CRYZL1: variants seen among roughly 807,000 people sequenced by gnomAD.
CRYZL1 encodes ferry endosomal RAB5 effector complex subunit 4.
Under a neutral mutation model 50.6 loss-of-function variants are expected in CRYZL1, and 34 were observed. The observed-to-expected ratio is 0.67, with a 90% CI of 0.51 to 0.89. The LOEUF (loss-of-function observed/expected upper bound fraction) is 0.89, where lower values mean the gene tolerates loss of function less well. CRYZL1 is among the 40% of genes least tolerant of loss of function. The probability of loss-of-function intolerance (pLI) is 0.00; values close to 1 mark genes in which losing one functional copy is unlikely to be tolerated. For synonymous variants in CRYZL1, 125 were observed against 134.3 expected, an observed-to-expected ratio of 0.93 and a Z score of 0.48; for missense variants, 354 against 402.3, an observed-to-expected ratio of 0.88 and a Z score of 1.03.
intron 2 of CRYZL1, among the ~76,000 whole-genome samples, chr21:33,626,147 T>C (rs2087060537): frequency 6.6e-6 from 1 of 151,742 alleles, no homozygotes; most frequent in Admixed American, 6.6e-5. Context: ...TAGTAGAAGA[T>C]GGGGTTTCAC....
chr21:33,637,444 CAAA>C (rs544640250), intron 1 of CRYZL1, among the ~76,000 whole-genome samples: 7 of 76,902 alleles, frequency 9.1e-5, no homozygotes, highest in Admixed American at 1.5e-4. Flanking sequence ...GACTCTGTCT[CAAA>C]AAAAAAAAAA....
At chr21:33,602,155 G>T in intron 8 of CRYZL1, 79 bp downstream of exon 8, 1 of 812,560 alleles carries the variant, frequency 1.2e-6, no homozygotes, top group Non-Finnish European at 2.1e-6. Flanking sequence ...TTTTGTACTT[G>T]GTTTTACAAG....
intron 4 of CRYZL1, among the ~76,000 whole-genome samples, chr21:33,621,131 T>C (rs1356168614): frequency 1.3e-5 from 2 of 149,168 alleles, no homozygotes; most frequent in Non-Finnish European, 3.0e-5. Flanking sequence ...GGTCTCGATC[T>C]CCTGACCTCG....
intron 4 of CRYZL1, among the ~76,000 whole-genome samples, chr21:33,618,015 C>T (rs1013819893): frequency 6.6e-5 from 10 of 152,154 alleles, no homozygotes; most frequent in African/African-American, 9.6e-5. Flanking sequence ...GATGGCCGGG[C>T]GCGGTGGCTC....
chr21:33,609,016 C>T (rs561546201), intron 6 of CRYZL1, among the ~76,000 whole-genome samples: 2 of 152,158 alleles, frequency 1.3e-5, no homozygotes, highest in Non-Finnish European at 2.9e-5. Context: ...CAATACTTAC[C>T]TTTCATCTTT....
chr21:33,634,880 AATATATAT>A (rs10599845), intron 1 of CRYZL1, among the ~76,000 whole-genome samples: 12 of 144,428 alleles, frequency 8.3e-5, no homozygotes, highest in African/African-American at 1.5e-4. Context: ...CAACAACAAC[AATATATAT>A]ATATATATAT....
chr21:33,613,637 G>A (rs552422639), intron 5 of CRYZL1, 31 bp from the exon 6 acceptor site: 7 of 1,507,472 alleles, frequency 4.6e-6, no homozygotes, highest in African/African-American at 4.1e-5. Context: ...TTAAAGGGAT[G>A]TAAGTCAAAA....
At chr21:33,597,542 A>G in intron 9 of CRYZL1, 141 bp from the exon 10 acceptor site, 1 of 643,030 alleles carries the variant, frequency 1.6e-6, no homozygotes, top group Non-Finnish European at 2.6e-6. Flanking sequence ...CCTGGACTCC[A>G]GCAATCCTCC....
At chr21:33,592,096 G>A (rs946092434) in intron 11 of CRYZL1, among the ~76,000 whole-genome samples, 1 of 149,850 alleles carries the variant, frequency 6.7e-6, no homozygotes, top group Admixed American at 6.6e-5. Context: ...TAGTGGTTAT[G>A]CTATTTTTTT....
At chr21:33,628,169 T>C (rs2087091846) in intron 2 of CRYZL1, among the ~76,000 whole-genome samples, 1 of 152,244 alleles carries the variant, frequency 6.6e-6, no homozygotes, top group Non-Finnish European at 1.5e-5. Context: ...TCCTAATACC[T>C]TTTACACTAC....
chr21:33,590,253 G>A (rs1193081389), intron 12 of CRYZL1, among the ~76,000 whole-genome samples: 1 of 152,170 alleles, frequency 6.6e-6, no homozygotes, highest in Admixed American at 6.5e-5. Flanking sequence ...CTAGCCTCAA[G>A]TGATCCACCC....
chr21:33,610,186 GAC>G (rs902556485), intron 6 of CRYZL1, among the ~76,000 whole-genome samples: 7 of 148,598 alleles, frequency 4.7e-5, no homozygotes, highest in Admixed American at 4.0e-4. Flanking sequence ...ATTTTTTTGA[GAC>G]AGAGTCTTGC....
At position 33,589,521 on chromosome 21, in the gene CRYZL1, AAGC is replaced by A. The variant is rs2145911252; in HGVS notation, c.*298_*300del. On this transcript the variant is annotated 3_prime_UTR_variant, in exon 13 of 13. Coordinates refer to ENST00000381554, the MANE Select transcript of CRYZL1 (RefSeq NM_145858.3). Reference sequence around the variant, plus strand: ...TCAAGAGTAGTGTGACTTTTGCTGAAAGCAGCAGTTTTCTTCATGGAAGGAATT... The same window carrying A: ...TCAAGAGTAGTGTGACTTTTGCTGAAAGCAGTTTTCTTCATGGAAGGAATT... The A allele has an allele frequency of 2.1e-6, 1 of 468,584 alleles. No homozygotes were observed. Among genetic ancestry groups the A allele is most frequent in the East Asian group, 3.5e-5 (1 of 28,932 alleles). The allele number at this position is 468,584 out of a possible 1,614,324, so 29.0% of individuals were successfully genotyped here.
At chr21:33,613,643 C>G (rs78700104) in intron 5 of CRYZL1, 37 bp from the exon 6 acceptor site, 7 of 1,440,222 alleles carry the variant, frequency 4.9e-6, no homozygotes, top group Non-Finnish European at 6.8e-6. Flanking sequence ...GGATGTAAGT[C>G]AAAAATTCAT....
rs778931286 is a variant in CRYZL1 at position 33,613,633 on chromosome 21, G to A, written c.263-27C>T. 5 of 1,531,278 alleles carry A rather than the reference G, an allele frequency of 3.3e-6. No homozygotes were observed. The South Asian group carries it at 5.6e-5, about 17-fold the overall frequency. 94.9% of individuals were successfully genotyped at this position (1,531,278 alleles called of 1,614,324 possible). On this transcript the variant is annotated intron_variant, in intron 5 of 12. Transcript: ENST00000381554. ...TAAAAATCAAAACAAGAAATTAAAG[G>A]GATGTAAGTCAAAAATTCATTCCTA...
At chr21:33,638,996 A>G in intron 1 of CRYZL1, among the ~76,000 whole-genome samples, 1 of 152,212 alleles carries the variant, frequency 6.6e-6, no homozygotes. Flanking sequence ...GATTGAATTT[A>G]TACATGTGTG....
chr21:33,618,930 T>A (rs1484005343), intron 4 of CRYZL1, among the ~76,000 whole-genome samples: 2 of 152,160 alleles, frequency 1.3e-5, no homozygotes, highest in African/African-American at 4.8e-5. Context: ...GGAGAACTCA[T>A]CAATTCTATT....
intron 6 of CRYZL1, among the ~76,000 whole-genome samples, chr21:33,609,668 ATTCT>A (rs2086849133): frequency 6.6e-6 from 1 of 150,578 alleles, no homozygotes; most frequent in South Asian, 2.1e-4. Flanking sequence ...TATGTTGCCC[ATTCT>A]TAAAGTCTTT....
rs748759115 is a variant in CRYZL1 at position 33,589,936 on chromosome 21, A to G, written c.951-15T>C. The stretch of plus-strand genomic sequence containing the variant: ...CCAACTGAGGTCTGAGAAGGAATGA[A>G]ATTAGAAATGTCAGGTCTAGTTAAA... On this transcript the variant is annotated splice_polypyrimidine_tract_variant and intron_variant, in intron 12 of 12. Coordinates refer to ENST00000381554, the MANE Select transcript of CRYZL1 (RefSeq NM_145858.3). The G allele has an allele frequency of 6.1e-6, 9 of 1,485,828 alleles. No homozygotes were observed. Among genetic ancestry groups the G allele is most frequent in the Middle Eastern group, 1.7e-4 (1 of 5,732 alleles). The allele number at this position is 1,485,828 out of a possible 1,614,324, so 92.0% of individuals were successfully genotyped here. A position where few individuals can be genotyped will look rare whatever the true frequency, so the allele number is the denominator to read the frequency against.
Sources: gnomAD v4.1 joint callset for allele counts (sites outside exome capture counted in the v4.1 genomes callset) on GRCh38, gnomAD v4.1.1 for gene constraint, MANE v1.5 for transcripts, NCBI Gene and HGNC (gene_info 2026-07-23, HGNC 2026-07-21) for gene names.